Variants in OPN3 observed in about 807,000 individuals in gnomAD.
OPN3 encodes opsin 3, also known as opsin-3.
A neutral mutation model predicts 33.8 loss-of-function variants in OPN3; 29 were observed. That is an observed-to-expected ratio of 0.86 (90% CI 0.64 to 1.17). OPN3 has a LOEUF of 1.17. OPN3 is among the 50% of genes most tolerant of loss of function. The pLI, the probability that OPN3 is intolerant of heterozygous loss-of-function variation, is 0.00. For missense variants in OPN3, 437 were observed against 514.1 expected (o/e 0.85, Z 1.45); for synonymous variants, 216 against 216.1 (o/e 1.00, Z 0.00).
chr1:241,634,376 G>A (rs1664785138), intron 1 of OPN3: 1 of 1,613,816 alleles, frequency 6.2e-7, no homozygotes, highest in African/African-American at 1.3e-5. Context: ...CTTTAGTATA[G>A]ACTGATCTGT....
chr1:241,621,671 G>A (rs1444618233), intron 1 of OPN3, among the ~76,000 whole-genome samples: 1 of 152,142 alleles, frequency 6.6e-6, no homozygotes. Context: ...TTAAAGGAAG[G>A]AGGTAGAGAA....
intron 1 of OPN3, among the ~76,000 whole-genome samples, chr1:241,620,158 C>A (rs1327957930): frequency 2.0e-5 from 3 of 152,054 alleles, no homozygotes; most frequent in African/African-American, 4.8e-5. Context: ...AATAATCAAT[C>A]TGAAAATTTG....
In OPN3 at chr1:241,620,622, T is replaced by G. The variant is rs371265398; in HGVS notation, c.374-16043A>C. Among the ~76,000 whole-genome samples, 16 of 152,374 alleles carry G rather than the reference T, an allele frequency of 1.1e-4. No homozygotes were observed. The East Asian group carries it at 1.5e-3, about 15-fold the overall frequency. On this transcript the variant is annotated intron_variant, in intron 1 of 3. Transcript: ENST00000366554. ...TGGAACTGTGAAATATAAATTTCTG[T>G]GTTTACAAGCCACCCACTTTAGGGT...
At chr1:241,623,165 C>T (rs1023909111) in intron 1 of OPN3, among the ~76,000 whole-genome samples, 1 of 152,088 alleles carries the variant, frequency 6.6e-6, no homozygotes, top group Admixed American at 6.5e-5. Context: ...GTTACTATGC[C>T]AAATCAGGCA....
chr1:241,626,767 T>C (rs1002193245), intron 1 of OPN3, among the ~76,000 whole-genome samples: 5 of 152,244 alleles, frequency 3.3e-5, no homozygotes, highest in African/African-American at 4.8e-5. Flanking sequence ...TTTACTTTTA[T>C]GTCAGAGATG....
rs1037995049 is a variant in OPN3 at position 241,594,249 on chromosome 1, A to C, written c.*179T>G. 1.7e-6 allele frequency: 1 copy of C among 600,516 alleles called. No individual in the cohort carries two copies. Among genetic ancestry groups the C allele is most frequent in the Non-Finnish European group, 2.8e-6 (1 of 363,540 alleles). 37.2% of individuals were successfully genotyped at this position (600,516 alleles called of 1,614,324 possible). A position where few individuals can be genotyped will look rare whatever the true frequency, so the allele number is the denominator to read the frequency against. On this transcript the variant is annotated 3_prime_UTR_variant, in exon 4 of 4. Coordinates refer to ENST00000366554, the MANE Select transcript of OPN3 (RefSeq NM_014322.3). ...GTAAAGCACCCGTTGAATTAAAAGAATTTGTTTTTGTTCAACCTCTTCCTG... is the reference window on the plus strand; with the variant it reads ...GTAAAGCACCCGTTGAATTAAAAGACTTTGTTTTTGTTCAACCTCTTCCTG...
At chr1:241,639,631 G>C (rs980488568) in intron 1 of OPN3, among the ~76,000 whole-genome samples, 2 of 151,684 alleles carry the variant, frequency 1.3e-5, no homozygotes, top group Non-Finnish European at 2.9e-5. Context: ...GGGCAGATGA[G>C]AGACCACAGG....
intron 2 of OPN3, among the ~76,000 whole-genome samples, chr1:241,599,813 A>T (rs887697822): frequency 2.0e-5 from 3 of 152,184 alleles, no homozygotes; most frequent in African/African-American, 7.2e-5. Flanking sequence ...AAAAAAACCT[A>T]TGAGAATTAA....
chr1:241,609,957 A>C (rs1663945942), intron 1 of OPN3, among the ~76,000 whole-genome samples: 1 of 152,216 alleles, frequency 6.6e-6, no homozygotes, highest in Non-Finnish European at 1.5e-5. Flanking sequence ...TCCCTAATAG[A>C]ATTTTGAAAA....
chr1:241,605,109 A>T (rs1215449118), intron 1 of OPN3, among the ~76,000 whole-genome samples: 1 of 152,100 alleles, frequency 6.6e-6, no homozygotes, highest in African/African-American at 2.4e-5. Context: ...CAGATTAAAA[A>T]AAGATTAGAC....
At chr1:241,639,618 G>A (rs536330824) in intron 1 of OPN3, among the ~76,000 whole-genome samples, 1 of 151,934 alleles carries the variant, frequency 6.6e-6, no homozygotes, top group South Asian at 2.1e-4. Flanking sequence ...GGGTCAACGT[G>A]GGGGGCAGAT....
chr1:241,597,860 C>G lies in OPN3; in HGVS notation c.831G>C (p.Leu277Phe). 1 of 1,613,646 alleles carries G rather than the reference C, an allele frequency of 6.2e-7. No homozygotes were observed. The highest frequency in any genetic ancestry group is 8.5e-7 in the Non-Finnish European group (1 of 1,179,916). ...CWMPYIVICF[L>F]VVNGHGHLVT... The stretch of plus-strand genomic sequence containing the variant: ...CCAGGTGACCATGACCATTAACCAC[C>G]AAGAAGCAGATCACGATATAAGGCA... Residue 277 changes from leucine (L) to phenylalanine (F), a missense_variant, in exon 3 of 4, where the codon TTG becomes TTC. Coordinates refer to ENST00000366554, the MANE Select transcript of OPN3 (RefSeq NM_014322.3).
chr1:241,605,441 T>A (rs12030661), intron 1 of OPN3, among the ~76,000 whole-genome samples: 1 of 151,784 alleles, frequency 6.6e-6, no homozygotes, highest in Non-Finnish European at 1.5e-5. Flanking sequence ...GCTTGCATGG[T>A]CTTCACGTGT....
chr1:241,601,484 C>T (rs1217881943), intron 2 of OPN3, among the ~76,000 whole-genome samples: 1 of 152,010 alleles, frequency 6.6e-6, no homozygotes, highest in Non-Finnish European at 1.5e-5. Flanking sequence ...GCGGGCAGAT[C>T]ATGAGGTCAG....
intron 2 of OPN3, among the ~76,000 whole-genome samples, chr1:241,599,648 C>A: frequency 6.6e-6 from 1 of 151,916 alleles, no homozygotes; most frequent in African/African-American, 2.4e-5. Flanking sequence ...GGGAGCTTCC[C>A]TAGTTTATAG....
chr1:241,607,651 GAAGA>G (rs201871929), intron 1 of OPN3, among the ~76,000 whole-genome samples: 1,987 of 144,858 alleles, frequency 0.014, 19 homozygotes, highest in Non-Finnish European at 0.019. Context: ...AAAGAAGAAA[GAAGA>G]AAGAAAGAAA....
At chr1:241,599,693 T>C (rs1031884446) in intron 2 of OPN3, among the ~76,000 whole-genome samples, 5 of 152,282 alleles carry the variant, frequency 3.3e-5, no homozygotes, top group Admixed American at 2.0e-4. Flanking sequence ...GGTCTAGATT[T>C]GGAATTAGAA....
intron 1 of OPN3, among the ~76,000 whole-genome samples, chr1:241,613,113 C>T (rs1664039635): frequency 6.6e-6 from 1 of 152,142 alleles, no homozygotes; most frequent in African/African-American, 2.4e-5. Flanking sequence ...TCTTTGAAAT[C>T]TTGTTTATAT....
rs775385384 is a variant in OPN3, at chr1:241,597,838, G to C, written c.853C>G (p.Leu285Val). 3.7e-6 allele frequency: 6 copies of C among 1,613,804 alleles called. No individual in the cohort carries two copies. The highest frequency in any genetic ancestry group is 5.1e-6 in the Non-Finnish European group (6 of 1,179,950). ...ACAATAGATATTGTTGGAGTGACCAGGTGACCATGACCATTAACCACCAAG... is the reference window on the plus strand; with the variant it reads ...ACAATAGATATTGTTGGAGTGACCACGTGACCATGACCATTAACCACCAAG... ...CFLVVNGHGH[L>V]VTPTISIVSY... The change falls in exon 3 of 4, where the codon CTG becomes GTG. Residue 285 changes from leucine to valine, a missense_variant. Physicochemically the swap from Leu to Val is conservative, Grantham distance 32. Transcript: ENST00000366554.
Sources: gnomAD v4.1 joint callset for allele counts (sites outside exome capture counted in the v4.1 genomes callset) on GRCh38, gnomAD v4.1.1 for gene constraint, MANE v1.5 for transcripts, NCBI Gene and HGNC (gene_info 2026-07-23, HGNC 2026-07-21) for gene names.